The following ZNF329 variants were observed in gnomAD, a reference collection of about 807,000 sequenced individuals.
The protein encoded by ZNF329 is zinc finger protein 329.
A neutral mutation model predicts 26.6 loss-of-function variants in ZNF329; 15 were observed. The observed-to-expected ratio is 0.56, with a 90% CI of 0.38 to 0.87. The LOEUF (loss-of-function observed/expected upper bound fraction) is 0.87, where lower values mean the gene tolerates loss of function less well. Ranked by LOEUF, ZNF329 falls within the 40% of genes least tolerant of loss-of-function variation. The pLI, the probability that ZNF329 is intolerant of heterozygous loss-of-function variation, is 0.00. For missense variants in ZNF329, 651 were observed against 651.9 expected, an observed-to-expected ratio of 1.00 and a Z score of 0.02; for synonymous variants, 239 against 233.5, an observed-to-expected ratio of 1.02 and a Z score of -0.21.
At position 58,128,348 on chromosome 19, in the gene ZNF329, G is replaced by A; in HGVS notation, c.1156C>T (p.Leu386Phe). The A allele has an allele frequency of 6.2e-7, 1 of 1,614,120 alleles. No individual in the cohort carries two copies. The highest frequency in any genetic ancestry group is 8.5e-7 in the Non-Finnish European group (1 of 1,180,028). ...GAATGGATCTTTTGATGCACAATGA[G>A]GTGAGAGTTTCTGTTGAAGGATTTC... ...CGKSFNRNSH[L>F]IVHQKIHSGE... Residue 386 changes from leucine to phenylalanine, a missense_variant, in exon 4 of 4, where the codon CTC (leucine) becomes TTC (phenylalanine). Transcript: ENST00000598312.
chr19:58,130,725 T>C (rs1486331131), intron 3 of ZNF329, among the ~76,000 whole-genome samples: 2 of 149,758 alleles, frequency 1.3e-5, no homozygotes, highest in Non-Finnish European at 3.0e-5. Flanking sequence ...TCTCCAAGGC[T>C]AGGGGATGAA....
At chr19:58,130,657 G>A (rs1278156792) in intron 3 of ZNF329, among the ~76,000 whole-genome samples, 2 of 126,722 alleles carry the variant, frequency 1.6e-5, no homozygotes, top group African/African-American at 6.1e-5. Flanking sequence ...CTGGGCCACA[G>A]AGCAAGACTC....
intron 3 of ZNF329, among the ~76,000 whole-genome samples, chr19:58,134,910 T>TG (rs1405368287): frequency 6.6e-6 from 1 of 152,046 alleles, no homozygotes; most frequent in Non-Finnish European, 1.5e-5. Flanking sequence ...AACTCCAGCC[T>TG]GGGCAACAGA....
chr19:58,150,044 C>T (rs2075414400), intron 1 of ZNF329, among the ~76,000 whole-genome samples: 1 of 152,158 alleles, frequency 6.6e-6, no homozygotes, highest in Non-Finnish European at 1.5e-5. Flanking sequence ...GGGTCGTTCA[C>T]TGCACAAGTC....
intron 1 of ZNF329, among the ~76,000 whole-genome samples, chr19:58,149,897 G>T (rs2075411046): frequency 6.6e-6 from 1 of 152,182 alleles, no homozygotes; most frequent in African/African-American, 2.4e-5. Flanking sequence ...TAAGCATAGT[G>T]AGGTGTTTGA....
In ZNF329 at chr19:58,142,286, C is replaced by T. The variant is rs77996197; in HGVS notation, c.-9+271G>A. Reference sequence around the variant, plus strand: ...CTTTTTCAGGGGTGATGAAAACATTCGAAGATTGACTGTGGCAATGGATAT... The same window carrying T: ...CTTTTTCAGGGGTGATGAAAACATTTGAAGATTGACTGTGGCAATGGATAT... On this transcript the variant is annotated intron_variant, in intron 3 of 3. Coordinates refer to ENST00000598312, the MANE Select transcript of ZNF329 (RefSeq NM_024620.4). 2.0e-5 allele frequency among the ~76,000 whole-genome samples: 3 copies of T among 152,016 alleles called. No homozygotes were observed. The East Asian group carries it at 5.8e-4, about 29-fold the overall frequency.
intron 1 of ZNF329, among the ~76,000 whole-genome samples, chr19:58,147,263 C>A (rs2075336697): frequency 1.4e-5 from 2 of 147,874 alleles, no homozygotes; most frequent in East Asian, 2.1e-4. Flanking sequence ...AGTGAGGAGA[C>A]CCTCCGCCTG....
intron 1 of ZNF329, among the ~76,000 whole-genome samples, chr19:58,149,020 G>T (rs186356077): frequency 3.5e-4 from 54 of 152,312 alleles, no homozygotes; most frequent in Admixed American, 7.8e-4. Context: ...GGATAACACA[G>T]GAGATTTGCA....
At chr19:58,133,701 G>A (rs908084910) in intron 3 of ZNF329, among the ~76,000 whole-genome samples, 1 of 151,922 alleles carries the variant, frequency 6.6e-6, no homozygotes, top group Non-Finnish European at 1.5e-5. Context: ...AGGAATTGAT[G>A]AATATGATGA....
At chr19:58,139,712 A>G (rs2075144176) in intron 3 of ZNF329, among the ~76,000 whole-genome samples, 1 of 152,206 alleles carries the variant, frequency 6.6e-6, no homozygotes, top group African/African-American at 2.4e-5. Flanking sequence ...CATTCACCCC[A>G]TAGGAGTTCT....
chr19:58,144,240 T>C (rs924963535), intron 1 of ZNF329, among the ~76,000 whole-genome samples: 1 of 151,502 alleles, frequency 6.6e-6, no homozygotes, highest in African/African-American at 2.4e-5. Flanking sequence ...AGTGGCGTGA[T>C]CTCAACTCAC....
intron 3 of ZNF329, among the ~76,000 whole-genome samples, chr19:58,130,213 C>T (rs2074906570): frequency 6.6e-6 from 1 of 151,866 alleles, no homozygotes; most frequent in African/African-American, 2.4e-5. Flanking sequence ...GTCCCAGCTA[C>T]TCTGGAGGCT....
chr19:58,133,362 G>C (rs1326908942), intron 3 of ZNF329, among the ~76,000 whole-genome samples: 1 of 152,116 alleles, frequency 6.6e-6, no homozygotes, highest in Non-Finnish European at 1.5e-5. Flanking sequence ...AAGGTGGATG[G>C]GTCACTTGAG....
rs2074830011 is a variant in ZNF329 at position 58,127,640 on chromosome 19, G to A, written c.*238C>T. The A allele has an allele frequency of 4.7e-6, 2 of 429,896 alleles. No individual in the cohort carries two copies. The highest frequency in any genetic ancestry group is 8.3e-6 in the Non-Finnish European group (2 of 241,576). 26.6% of individuals were successfully genotyped at this position (429,896 alleles called of 1,614,324 possible). On this transcript the variant is annotated 3_prime_UTR_variant, in exon 4 of 4. Transcript: ENST00000598312. The stretch of plus-strand genomic sequence containing the variant: ...CACATTTCATTCCAGTGTGTGTGTT[G>A]TCATGTCTGGTACAGACTGAATCAT...
chr19:58,145,314 CTT>C (rs71188087), intron 1 of ZNF329, among the ~76,000 whole-genome samples: 49 of 106,174 alleles, frequency 4.6e-4, no homozygotes, highest in South Asian at 2.0e-3. Context: ...TTTTTTCTTC[CTT>C]TTTTTTTTTT....
rs2074891729 is a variant in ZNF329 at position 58,129,574 on chromosome 19, A to G, written c.-8-63T>C. The stretch of plus-strand genomic sequence containing the variant: ...AGCTTTATCTGTAAGAGAAACAGAC[A>G]ATGATGATGGGCTAGGTGTAAAGAT... On this transcript the variant is annotated intron_variant, in intron 3 of 3. Transcript: ENST00000598312. 5 of 1,351,120 alleles carry G rather than the reference A, an allele frequency of 3.7e-6. No homozygotes were observed. The East Asian group carries it at 1.2e-4, about 31-fold the overall frequency. The allele number at this position is 1,351,120 out of a possible 1,614,324, so 83.7% of individuals were successfully genotyped here.
At chr19:58,134,729 A>C (rs1250573578) in intron 3 of ZNF329, among the ~76,000 whole-genome samples, 1 of 152,160 alleles carries the variant, frequency 6.6e-6, no homozygotes, top group South Asian at 2.1e-4. Context: ...TGAGGTCAGG[A>C]GTTCAAGACC....
upstream of ZNF329, among the ~76,000 whole-genome samples, chr19:58,151,046 T>C (rs1315560439): frequency 6.6e-6 from 1 of 152,260 alleles, no homozygotes; most frequent in Non-Finnish European, 1.5e-5. Flanking sequence ...ATAATCTTTT[T>C]TTGAGATAAT....
At chr19:58,137,840 G>A (rs914064748) in intron 3 of ZNF329, among the ~76,000 whole-genome samples, 15 of 146,950 alleles carry the variant, frequency 1.0e-4, no homozygotes, top group Admixed American at 2.7e-4. Context: ...AAAGCCAGGC[G>A]TACTGGTATG....
Sources: gnomAD v4.1 joint callset for allele counts (sites outside exome capture counted in the v4.1 genomes callset) on GRCh38, gnomAD v4.1.1 for gene constraint, MANE v1.5 for transcripts, NCBI Gene and HGNC (gene_info 2026-07-23, HGNC 2026-07-21) for gene names.